Variants in LEP observed in about 807,000 individuals in gnomAD.
LEP encodes the protein leptin.
A neutral mutation model predicts 9.8 loss-of-function variants in LEP; 6 were observed. That is an observed-to-expected ratio of 0.61 (90% CI 0.34 to 1.21). The LOEUF (loss-of-function observed/expected upper bound fraction) is 1.21. Among genes scored for constraint, LEP ranks in the 50% most tolerant of loss-of-function variants. The pLI is 0.04. For synonymous variants in LEP, 112 were observed against 81.7 expected (o/e 1.37, Z -2.00); for missense variants, 134 against 198.1 (o/e 0.68, Z 1.94).
chr7:128,253,007 T>C (rs1486764819), intron 2 of LEP, among the ~76,000 whole-genome samples: 1 of 152,206 alleles, frequency 6.6e-6, no homozygotes, highest in East Asian at 1.9e-4. Context: ...CTGAGCCACA[T>C]GCAGGCACAG....
chr7:128,247,221 T>A (rs1795221490), intron 1 of LEP, among the ~76,000 whole-genome samples: 1 of 152,028 alleles, frequency 6.6e-6, no homozygotes, highest in African/African-American at 2.4e-5. Context: ...CTCCCCATGC[T>A]CTCCTGCCAC....
chr7:128,248,020 C>A (rs778426710), intron 1 of LEP, among the ~76,000 whole-genome samples: 3 of 152,190 alleles, frequency 2.0e-5, no homozygotes, highest in Non-Finnish European at 4.4e-5. Context: ...AGGCCCAATG[C>A]GGTGGCTCAC....
chr7:128,254,509 C>A lies in LEP; in HGVS notation c.250C>A (p.Gln84Lys). ...KMDQTLAVYQ[Q>K]ILTSMPSRNV... is the part of the protein sequence containing the mutation. ...GGACCAGACACTGGCAGTCTACCAA[C>A]AGATCCTCACCAGTATGCCTTCCAG... Residue 84 changes from glutamine to lysine, a missense_variant, in exon 3 of 3, where the codon CAG (glutamine) becomes AAG (lysine). Gln to Lys is a moderately conservative substitution (Grantham distance 53). Transcript: ENST00000308868. 1.9e-6 allele frequency: 3 copies of A among 1,614,212 alleles called. No homozygotes were observed. The highest frequency in any genetic ancestry group is 2.5e-6 in the Non-Finnish European group (3 of 1,180,032).
chr7:128,243,959 T>C (rs1439087494), intron 1 of LEP, among the ~76,000 whole-genome samples: 1 of 151,994 alleles, frequency 6.6e-6, no homozygotes, highest in Non-Finnish European at 1.5e-5. Flanking sequence ...CCTCAACAAT[T>C]GATCAGAAGT....
Position 128,254,548 on chromosome 7 carries a change from A to G in LEP, c.289A>G (p.Ile97Val). The G allele has an allele frequency of 1.9e-6, 3 of 1,614,166 alleles. No homozygotes were observed. In the South Asian group the frequency reaches 3.3e-5, roughly 18 times the overall value. ...TSMPSRNVIQ[I>V]SNDLENLRDL... ...TATGCCTTCCAGAAACGTGATCCAA[A>G]TATCCAACGACCTGGAGAACCTCCG... The change falls in exon 3 of 3, where the codon ATA (isoleucine) becomes GTA (valine). Residue 97 changes from isoleucine to valine, a missense_variant. Physicochemically the swap from Ile to Val is conservative, Grantham distance 29. Transcript: ENST00000308868.
In LEP at chr7:128,254,783, C is replaced by T. The variant is rs1325446004; in HGVS notation, c.*20C>T. 3 of 1,603,280 alleles carry T rather than the reference C, an allele frequency of 1.9e-6. No homozygotes were observed. The highest frequency in any genetic ancestry group is 2.5e-6 in the Non-Finnish European group (3 of 1,179,774). ...TGCTGAGGCCTTGAAGGTCACTCTT[C>T]CTGCAAGGACTACGTTAAGGGAAGG... On this transcript the variant is annotated 3_prime_UTR_variant, in exon 3 of 3. Transcript: ENST00000308868.
At chr7:128,250,613 A>T (rs1442631129) in intron 1 of LEP, among the ~76,000 whole-genome samples, 1 of 152,224 alleles carries the variant, frequency 6.6e-6, no homozygotes, top group Admixed American at 6.5e-5. Flanking sequence ...GATTAAAAAA[A>T]CATGGCTTTG....
At chr7:128,246,389 G>T (rs1037587339) in intron 1 of LEP, among the ~76,000 whole-genome samples, 1 of 152,178 alleles carries the variant, frequency 6.6e-6, no homozygotes, top group Non-Finnish European at 1.5e-5. Flanking sequence ...ATTTGTGGTG[G>T]GGTGGATGGC....
At chr7:128,246,744 G>A (rs904270681) in intron 1 of LEP, among the ~76,000 whole-genome samples, 13 of 152,010 alleles carry the variant, frequency 8.6e-5, no homozygotes, top group African/African-American at 2.9e-4. Flanking sequence ...ATTATAGGCT[G>A]AGCCACCACA....
chr7:128,248,836 T>C lies in LEP; in HGVS notation c.-28-3155T>C, dbSNP rs114122063. ...TTCCACTTTCCTGTGTTTCCATATC[T>C]TTTTCATGTCTGTTTCTGGCCCACA... On this transcript the variant is annotated intron_variant, in intron 1 of 2. Transcript: ENST00000308868. 6.3e-3 allele frequency among the ~76,000 whole-genome samples: 961 copies of C among 152,318 alleles called. 7 individuals are homozygous for C. The highest frequency in any genetic ancestry group is 0.022 in the African/African-American group (925 of 41,570).
chr7:128,249,711 CGT>C (rs1795252526), intron 1 of LEP, among the ~76,000 whole-genome samples: 1 of 151,908 alleles, frequency 6.6e-6, no homozygotes, highest in South Asian at 2.1e-4. Context: ...TGTTGATGTG[CGT>C]GTGTGTGTGA....
At position 128,252,171 on chromosome 7, in the gene LEP, A is replaced by T; in HGVS notation, c.144+9A>T. Reference sequence around the variant, plus strand: ...ATGACATTTCACACACGGTAAGGAGAGTATGCGGGGACAAAGTAGAACTGC... The same window carrying T: ...ATGACATTTCACACACGGTAAGGAGTGTATGCGGGGACAAAGTAGAACTGC... On this transcript the variant is annotated intron_variant, in intron 2 of 2. Transcript: ENST00000308868. The T allele has an allele frequency of 6.2e-7, 1 of 1,614,068 alleles. No individual in the cohort carries two copies.
intron 1 of LEP, among the ~76,000 whole-genome samples, chr7:128,243,875 T>G (rs1288664649): frequency 6.6e-6 from 1 of 152,186 alleles, no homozygotes; most frequent in Non-Finnish European, 1.5e-5. Flanking sequence ...CAGGTGTCAT[T>G]AATTGATCAG....
At chr7:128,252,397 C>A (rs1795285924) in intron 2 of LEP, among the ~76,000 whole-genome samples, 1 of 152,140 alleles carries the variant, frequency 6.6e-6, no homozygotes, top group Non-Finnish European at 1.5e-5. Flanking sequence ...TAAACCACTC[C>A]AAGAACATTT....
intron 1 of LEP, among the ~76,000 whole-genome samples, chr7:128,241,897 G>T (rs772787250): frequency 6.6e-6 from 1 of 152,156 alleles, no homozygotes; most frequent in Non-Finnish European, 1.5e-5. Context: ...AATTGTGCAG[G>T]GTCTTACCAG....
At chr7:128,244,257 ACAC>A (rs1469448752) in intron 1 of LEP, among the ~76,000 whole-genome samples, 1 of 141,490 alleles carries the variant, frequency 7.1e-6, no homozygotes, top group Admixed American at 6.9e-5. Flanking sequence ...ACACACACAC[ACAC>A]ACACACACAC....
chr7:128,252,778 G>T (rs1795291063), intron 2 of LEP, among the ~76,000 whole-genome samples: 1 of 151,790 alleles, frequency 6.6e-6, no homozygotes, highest in Non-Finnish European at 1.5e-5. Flanking sequence ...GATCAGGCAT[G>T]ATGGGTCACA....
intron 1 of LEP, among the ~76,000 whole-genome samples, chr7:128,245,476 T>A (rs1183228825): frequency 2.0e-5 from 3 of 152,188 alleles, no homozygotes; most frequent in African/African-American, 7.2e-5. Context: ...TGCCTTTATT[T>A]CCTCCTTTGT....
At chr7:128,241,445 CT>C (rs1348483860) in intron 1 of LEP, 139 bp downstream of exon 1, 1 of 153,006 alleles carries the variant, frequency 6.5e-6, no homozygotes, top group Non-Finnish European at 1.5e-5. Context: ...ACTATGATAG[CT>C]TTGTACCGAG....
Sources: allele counts gnomAD v4.1 joint callset (sites outside exome capture counted in the v4.1 genomes callset), GRCh38; gene constraint gnomAD v4.1.1; transcripts MANE v1.5; gene names NCBI Gene and HGNC (gene_info 2026-07-23, HGNC 2026-07-21).